SDHAF3: variants seen among roughly 807,000 people sequenced by gnomAD.
SDHAF3 encodes the protein succinate dehydrogenase assembly factor 3, mitochondrial.
A neutral mutation model predicts 11.5 loss-of-function variants in SDHAF3; 18 were observed. The observed-to-expected ratio is 1.56, with a 90% CI of 1.08 to 2.32. The LOEUF is 2.32. Ranked by LOEUF, SDHAF3 falls within the 30% of genes most tolerant of loss-of-function variation. The probability of loss-of-function intolerance (pLI) is 0.00; values close to 1 mark genes in which losing one functional copy is unlikely to be tolerated. For missense variants in SDHAF3, 200 were observed against 154.4 expected, an observed-to-expected ratio of 1.30 and a Z score of -1.57; for synonymous variants, 72 against 59.3, an observed-to-expected ratio of 1.21 and a Z score of -0.99.
chr7:97,157,227 C>G (rs919504816), intron 1 of SDHAF3, among the ~76,000 whole-genome samples: 1 of 152,194 alleles, frequency 6.6e-6, no homozygotes, highest in Admixed American at 6.5e-5. Context: ...ATTTTACTGG[C>G]TTCCTGAGTT....
At chr7:97,122,214 C>T (rs187357385) in intron 1 of SDHAF3, among the ~76,000 whole-genome samples, 12 of 152,182 alleles carry the variant, frequency 7.9e-5, no homozygotes, top group East Asian at 1.9e-4. Flanking sequence ...TAGTGTTTTA[C>T]GCAGAAGATG....
intron 1 of SDHAF3, among the ~76,000 whole-genome samples, chr7:97,150,532 C>T (rs1297941977): frequency 1.3e-5 from 2 of 149,754 alleles, no homozygotes; most frequent in Admixed American, 6.7e-5. Flanking sequence ...TGTCAGTGAG[C>T]AGTAATATTT....
At chr7:97,135,400 T>C (rs1276755476) in intron 1 of SDHAF3, 1 of 152,124 alleles carries the variant, frequency 6.6e-6, no homozygotes, top group Non-Finnish European at 1.5e-5. Flanking sequence ...TAGATTCCTT[T>C]CTTAGACGTT....
chr7:97,119,549 T>C (rs118072529), intron 1 of SDHAF3, among the ~76,000 whole-genome samples: 2,305 of 152,286 alleles, frequency 0.015, 24 homozygotes, highest in Non-Finnish European at 0.024. Context: ...TGTGTTAGCA[T>C]CTTACATAAT....
At chr7:97,162,004 G>T (rs1014834565) in intron 1 of SDHAF3, among the ~76,000 whole-genome samples, 1 of 152,166 alleles carries the variant, frequency 6.6e-6, no homozygotes, top group Non-Finnish European at 1.5e-5. Flanking sequence ...TTGAGGAATT[G>T]CCACACTGTC....
At chr7:97,173,945 G>C (rs1014830310) in intron 1 of SDHAF3, among the ~76,000 whole-genome samples, 3 of 144,600 alleles carry the variant, frequency 2.1e-5, no homozygotes, top group Admixed American at 1.4e-4. Flanking sequence ...TTTAAAGACA[G>C]AGTCTTGCTG....
chr7:97,180,949 G>C (rs1789761986), intron 1 of SDHAF3, 63 bp from the exon 2 acceptor site: 1 of 1,387,604 alleles, frequency 7.2e-7, no homozygotes, highest in African/African-American at 1.5e-5. Context: ...TAGAATTCAA[G>C]TCCTCTAATG....
At chr7:97,127,691 T>G (rs1285221962) in intron 1 of SDHAF3, among the ~76,000 whole-genome samples, 1 of 152,100 alleles carries the variant, frequency 6.6e-6, no homozygotes, top group Non-Finnish European at 1.5e-5. Flanking sequence ...ACATCTTGAT[T>G]TATAGTTTTA....
chr7:97,124,041 C>T (rs1465971008), intron 1 of SDHAF3, among the ~76,000 whole-genome samples: 1 of 152,106 alleles, frequency 6.6e-6, no homozygotes, highest in African/African-American at 2.4e-5. Flanking sequence ...GTTGCCATTG[C>T]TGTTGGTGTT....
intron 1 of SDHAF3, among the ~76,000 whole-genome samples, chr7:97,171,189 T>G (rs1482202351): frequency 8.2e-6 from 1 of 122,390 alleles, no homozygotes; most frequent in African/African-American, 3.0e-5. Context: ...TAGGGAAAGC[T>G]TGACCAAATG....
Position 97,181,278 on chromosome 7 carries a change from GT to G in SDHAF3, c.*68del. On this transcript the variant is annotated 3_prime_UTR_variant, in exon 2 of 2. Transcript: ENST00000432641. The stretch of plus-strand genomic sequence containing the variant: ...AGAACCCCTACTTTAACTGTCATTG[GT>G]TTTTGAAATATATTTAAGCTTTGAA... The G allele has an allele frequency of 1.6e-6, 2 of 1,254,886 alleles. No homozygotes were observed. Among genetic ancestry groups the G allele is most frequent in the South Asian group, 2.9e-5 (2 of 68,536 alleles). 77.7% of individuals were successfully genotyped at this position (1,254,886 alleles called of 1,614,324 possible).
intron 1 of SDHAF3, among the ~76,000 whole-genome samples, chr7:97,169,265 G>A (rs114727698): frequency 0.01 from 1,529 of 152,188 alleles, 33 homozygotes; most frequent in African/African-American, 0.035. Context: ...AGCTAAGATC[G>A]CGGCGCTGCA....
intron 1 of SDHAF3, among the ~76,000 whole-genome samples, chr7:97,180,018 T>C (rs1320433): frequency 0.99 from 150,495 of 152,264 alleles, 74,400 homozygotes; most frequent in East Asian, 1. Flanking sequence ...CTTTGGCACT[T>C]TGTCTGCTTA....
intron 1 of SDHAF3, among the ~76,000 whole-genome samples, chr7:97,177,380 T>TATAC (rs1268326231): frequency 6.6e-6 from 1 of 151,964 alleles, no homozygotes. Context: ...TGGGCATCTG[T>TATAC]AGTCCCATCT....
At chr7:97,134,535 C>T (rs994357960) in intron 1 of SDHAF3, among the ~76,000 whole-genome samples, 11 of 152,162 alleles carry the variant, frequency 7.2e-5, no homozygotes, top group African/African-American at 2.4e-4. Context: ...CAACCTCCAC[C>T]TCCCAGGTTC....
At chr7:97,121,841 G>GTT (rs59598335) in intron 1 of SDHAF3, among the ~76,000 whole-genome samples, 1 of 135,756 alleles carries the variant, frequency 7.4e-6, no homozygotes, top group Non-Finnish European at 1.6e-5. Flanking sequence ...AGGTTTTTTG[G>GTT]TTTTTTTTTT....
chr7:97,122,094 T>C (rs557042522), intron 1 of SDHAF3, among the ~76,000 whole-genome samples: 41 of 152,282 alleles, frequency 2.7e-4, no homozygotes, highest in African/African-American at 9.4e-4. Context: ...CCCGACCTTA[T>C]GATCCGCCCA....
intron 1 of SDHAF3, among the ~76,000 whole-genome samples, chr7:97,170,157 C>T (rs1414823593): frequency 6.6e-6 from 1 of 151,592 alleles, no homozygotes; most frequent in African/African-American, 2.4e-5. Flanking sequence ...GTGAACCACA[C>T]ATATTAATGT....
chr7:97,152,951 A>G (rs774877311), intron 1 of SDHAF3, among the ~76,000 whole-genome samples: 4 of 152,232 alleles, frequency 2.6e-5, no homozygotes, highest in Non-Finnish European at 5.9e-5. Flanking sequence ...GGCATGAACC[A>G]CTGCATCTGG....
Sources: gnomAD v4.1 joint callset for allele counts (sites outside exome capture counted in the v4.1 genomes callset) on GRCh38, gnomAD v4.1.1 for gene constraint, MANE v1.5 for transcripts, NCBI Gene and HGNC (gene_info 2026-07-23, HGNC 2026-07-21) for gene names.